The following GAS6 variants were observed in gnomAD, a reference collection of about 807,000 sequenced individuals.
GAS6 encodes the protein growth arrest-specific protein 6.
GAS6 carries 41 observed loss-of-function variants against 75.8 expected under a neutral mutation model. The ratio of observed to expected loss-of-function variants is 0.54; its 90% CI spans 0.42 to 0.70. The LOEUF is 0.70. GAS6 is among the 30% of genes least tolerant of loss of function. The pLI is 0.00. For missense variants in GAS6, 854 were observed against 940.2 expected (o/e 0.91, Z 1.20); for synonymous variants, 432 against 412.6 (o/e 1.05, Z -0.57).
intron 8 of GAS6, 51 bp from the exon 9 acceptor site, chr13:113,832,803 TC>T (rs2051646430): frequency 6.2e-7 from 1 of 1,610,136 alleles, no homozygotes. Flanking sequence ...TCACTCCTGC[TC>T]CCCTGAGCCC....
intron 2 of GAS6, among the ~76,000 whole-genome samples, chr13:113,852,080 C>T (rs1421732822): frequency 6.6e-6 from 1 of 152,218 alleles, no homozygotes; most frequent in Admixed American, 6.5e-5. Flanking sequence ...GGCAGGTGCT[C>T]GGCCTGTGCT....
intron 14 of GAS6, 30 bp downstream of exon 14, chr13:113,821,928 C>T: frequency 2.0e-6 from 3 of 1,489,046 alleles, no homozygotes; most frequent in African/African-American, 1.4e-5. Flanking sequence ...GAGCTCTTCA[C>T]CCGGGTTGAG....
chr13:113,857,769 T>TA (rs2051925770), intron 2 of GAS6, among the ~76,000 whole-genome samples: 2 of 152,228 alleles, frequency 1.3e-5, no homozygotes, highest in Admixed American at 6.5e-5. Flanking sequence ...CGTCTTTAAT[T>TA]AGAGTTTTCC....
chr13:113,826,231 T>G (rs2051536594), intron 12 of GAS6, among the ~76,000 whole-genome samples: 1 of 152,206 alleles, frequency 6.6e-6, no homozygotes, highest in Non-Finnish European at 1.5e-5. Context: ...ACGGCTGTTT[T>G]TACACACCTC....
At chr13:113,822,277 C>T (rs2051471197) in intron 13 of GAS6, 91 bp from the exon 14 acceptor site, 1 of 986,814 alleles carries the variant, frequency 1.0e-6, no homozygotes, top group Middle Eastern at 2.5e-4. Flanking sequence ...CTGGCCACCC[C>T]TACGCCGCAC....
At position 113,845,035 on chromosome 13, in the gene GAS6, CGT is replaced by C. The variant is rs10604589; in HGVS notation, c.343+1490_343+1491del. On this transcript the variant is annotated intron_variant, in intron 4 of 14. Transcript: ENST00000327773. This position sits in a 1 kb window ranked among gnomAD's most constrained non-coding sequence, Gnocchi z 4.3. ...TTAGCAATCACTAAGATAAAACACG[CGT>C]GACAGGATCTGCTTGTCTCCTCTGA... 0.17 allele frequency: 25,493 copies of C among 150,464 alleles called. 3,603 individuals carry two copies. Among genetic ancestry groups the C allele is most frequent in the African/African-American group, 0.3 (12,048 of 39,942 alleles). 9.3% of individuals were successfully genotyped at this position (150,464 alleles called of 1,614,324 possible). A position where few individuals can be genotyped will look rare whatever the true frequency, so the allele number is the denominator to read the frequency against.
intron 6 of GAS6, 100 bp from the exon 7 acceptor site, chr13:113,835,735 C>CG: frequency 1.3e-6 from 2 of 1,512,532 alleles, no homozygotes; most frequent in South Asian, 2.6e-5. Context: ...ACCCAGAGGT[C>CG]GCATCCAGAC....
chr13:113,858,930 T>C (rs894206129), intron 2 of GAS6, among the ~76,000 whole-genome samples: 5 of 148,006 alleles, frequency 3.4e-5, no homozygotes, highest in Non-Finnish European at 7.4e-5. Context: ...TGTTAGTATG[T>C]GTGTGCGTGT....
chr13:113,830,147 CCTT>C (rs1390874732), intron 10 of GAS6, among the ~76,000 whole-genome samples: 4 of 152,258 alleles, frequency 2.6e-5, no homozygotes, highest in Admixed American at 6.5e-5. Context: ...AGAAGAATAT[CCTT>C]CTTCCTGTGT....
chr13:113,828,401 A>G, intron 11 of GAS6, 146 bp downstream of exon 11: 1 of 703,706 alleles, frequency 1.4e-6, no homozygotes. Context: ...GACTTTGTCA[A>G]ACTCTAGGAA....
Position 113,848,958 on chromosome 13 carries a change from A to G in GAS6, c.256-908T>C, listed in dbSNP as rs936173368. Among the ~76,000 whole-genome samples the G allele has an allele frequency of 6.6e-6, 1 of 152,242 alleles. No individual in the cohort carries two copies. Among genetic ancestry groups the G allele is most frequent in the African/African-American group, 2.4e-5 (1 of 41,458 alleles). ...GGTAGCATTTTGCAGAGTAGCAGAC[A>G]GAGGCGGTAGGTACCCAGCGCCGTC... On this transcript the variant is annotated intron_variant, in intron 2 of 14. Coordinates refer to ENST00000327773, the MANE Select transcript of GAS6 (RefSeq NM_000820.4). This position sits in a 1 kb window ranked among gnomAD's most constrained non-coding sequence, Gnocchi z 4.8.
rs748323787 is a variant in GAS6 at position 113,837,715 on chromosome 13, A to G, written c.589+354T>C. On this transcript the variant is annotated intron_variant, in intron 6 of 14. Transcript: ENST00000327773. This position sits in a 1 kb window ranked among gnomAD's most constrained non-coding sequence, Gnocchi z 5.1. ...GCTGGGGAGAGTGGACGGCGGGGGG[A>G]CCCTAGCCTGGAGCCCTGACCCACA... Among the ~76,000 whole-genome samples the G allele has an allele frequency of 1.1e-4, 16 of 151,532 alleles. No individual in the cohort carries two copies. The highest frequency in any genetic ancestry group is 2.1e-4 in the Non-Finnish European group (14 of 67,812).
rs1334986134 is a variant in GAS6, at chr13:113,823,273, T to G, written c.1653+102A>C. ...TCTGGTCAGAGGCTTTGGGGGTCCC[T>G]GGGGATCCCACCGCGGGCCCCCTTC... On this transcript the variant is annotated intron_variant, in intron 13 of 14. Coordinates refer to ENST00000327773, the MANE Select transcript of GAS6 (RefSeq NM_000820.4). The G allele has an allele frequency of 4.6e-6, 6 of 1,299,676 alleles. No individual in the cohort carries two copies. In the African/African-American group the frequency reaches 5.9e-5, roughly 13 times the overall value. The allele number at this position is 1,299,676 out of a possible 1,614,324, so 80.5% of individuals were successfully genotyped here. A position where few individuals can be genotyped will look rare whatever the true frequency, so the allele number is the denominator to read the frequency against.
chr13:113,834,029 CAGGT>C (rs1479168180), intron 8 of GAS6, among the ~76,000 whole-genome samples: 3 of 135,734 alleles, frequency 2.2e-5, no homozygotes, highest in Non-Finnish European at 3.1e-5. Context: ...CCCGGTGTGA[CAGGT>C]AGGTCATGCT....
intron 8 of GAS6, chr13:113,833,286 G>A: frequency 9.7e-7 from 1 of 1,036,098 alleles, no homozygotes; most frequent in African/African-American, 1.7e-5. Context: ...ATCTCGCAGG[G>A]GTCCGACACC....
At chr13:113,856,755 C>T (rs1308050908) in intron 2 of GAS6, among the ~76,000 whole-genome samples, 2 of 152,202 alleles carry the variant, frequency 1.3e-5, no homozygotes, top group Non-Finnish European at 2.9e-5. Flanking sequence ...CACCCAAAGC[C>T]CACTGCGCCT....
chr13:113,832,779 C>T (rs753723766), intron 8 of GAS6, 27 bp from the exon 9 acceptor site: 27 of 1,611,754 alleles, frequency 1.7e-5, no homozygotes, highest in Admixed American at 5.0e-5. Context: ...CCACGCCGGT[C>T]GGGGATGTGG....
At chr13:113,826,188 C>G (rs965475402) in intron 12 of GAS6, among the ~76,000 whole-genome samples, 1 of 152,212 alleles carries the variant, frequency 6.6e-6, no homozygotes, top group Non-Finnish European at 1.5e-5. Flanking sequence ...CTCCCTTTTT[C>G]AGGCCTAGGT....
intron 2 of GAS6, among the ~76,000 whole-genome samples, chr13:113,851,102 A>G (rs1162838309): frequency 6.7e-6 from 1 of 149,694 alleles, no homozygotes; most frequent in Middle Eastern, 3.3e-3. Context: ...TGGGTGGATG[A>G]AAGAATGAAT....
Sources: allele counts gnomAD v4.1 joint callset (sites outside exome capture counted in the v4.1 genomes callset), GRCh38; gene constraint gnomAD v4.1.1; non-coding constraint Gnocchi (gnomAD v3.1); transcripts MANE v1.5; gene names NCBI Gene and HGNC (gene_info 2026-07-23, HGNC 2026-07-21).